DNAJC6: variants seen among roughly 807,000 people sequenced by gnomAD.
DNAJC6 encodes auxilin.
DNAJC6 carries 34 observed loss-of-function variants against 110.0 expected under a neutral mutation model. That is an observed-to-expected ratio of 0.31 (90% CI 0.24 to 0.41). The LOEUF (loss-of-function observed/expected upper bound fraction) is 0.41, where lower values mean the gene tolerates loss of function less well. Ranked by LOEUF, DNAJC6 falls within the 10% of genes least tolerant of loss-of-function variation. DNAJC6 has a pLI of 1.00. For missense variants in DNAJC6, 1,031 were observed against 1,207.8 expected (o/e 0.85, Z 2.17); for synonymous variants, 406 against 437.2 (o/e 0.93, Z 0.89).
At position 65,392,585 on chromosome 1, in the gene DNAJC6, G is replaced by A. The variant is rs779965514; in HGVS notation, c.1623G>A (p.Lys541=). 10 of 1,613,992 alleles carry A rather than the reference G, an allele frequency of 6.2e-6. No homozygotes were observed. The highest frequency in any genetic ancestry group is 1.3e-5 in the African/African-American group (1 of 74,926). The change falls in exon 12 of 19, where the codon AAG becomes AAA. Residue 541 remains lysine (K), a synonymous_variant. Coordinates refer to ENST00000371069, the MANE Select transcript of DNAJC6 (RefSeq NM_001256864.2). ...KPHGVKKPSK[K]QQEPAAPPPP... The stretch of plus-strand genomic sequence containing the variant: ...ATGGAGTCAAGAAGCCCAGCAAAAA[G>A]CAGCAGGAGCCAGCAGCCCCTCCAC...
At chr1:65,386,404 T>C (rs1345924160) in intron 7 of DNAJC6, among the ~76,000 whole-genome samples, 1 of 152,346 alleles carries the variant, frequency 6.6e-6, no homozygotes, top group Non-Finnish European at 1.5e-5. Context: ...ATTTGAGGAC[T>C]GGCATCCAAG....
intron 11 of DNAJC6, among the ~76,000 whole-genome samples, chr1:65,390,478 C>T (rs1305046762): frequency 6.6e-6 from 1 of 152,160 alleles, no homozygotes; most frequent in Non-Finnish European, 1.5e-5. Context: ...TTTCAGAATC[C>T]TCCTCAATAT....
rs147692948 is a variant in DNAJC6 at position 65,321,608 on chromosome 1, T to C, written c.193+11670T>C. 1.3e-3 allele frequency among the ~76,000 whole-genome samples: 199 copies of C among 152,290 alleles called. 3 individuals are homozygous for C. Among genetic ancestry groups the C allele is most frequent in the African/African-American group, 4.4e-3 (184 of 41,574 alleles). ...TATATCCCCTGCCCCTACACAGGCA[T>C]CGCCTCTCCCATTATCAACATCCCC... is the stretch of plus-strand genomic sequence containing the variant. On this transcript the variant is annotated intron_variant, in intron 1 of 18. Transcript: ENST00000371069.
At chr1:65,330,239 CA>C (rs1289557207) in intron 1 of DNAJC6, among the ~76,000 whole-genome samples, 1 of 152,128 alleles carries the variant, frequency 6.6e-6, no homozygotes, top group African/African-American at 2.4e-5. Context: ...CTCAATATTC[CA>C]AATTCGGGTT....
intron 1 of DNAJC6, among the ~76,000 whole-genome samples, chr1:65,319,490 G>A (rs1178996829): frequency 1.3e-5 from 2 of 152,184 alleles, no homozygotes; most frequent in African/African-American, 4.8e-5. Flanking sequence ...GTATCGGGTG[G>A]CCCCTTCTCA....
chr1:65,300,232 C>G (rs1263247555), intron 1 of DNAJC6, among the ~76,000 whole-genome samples: 1 of 151,970 alleles, frequency 6.6e-6, no homozygotes, highest in African/African-American at 2.4e-5. Flanking sequence ...GTTGCTAGGG[C>G]TCTCTGGAGC....
In DNAJC6 at chr1:65,343,280, T is replaced by C. The variant is rs116447536; in HGVS notation, c.194-21355T>C. Among the ~76,000 whole-genome samples, 478 of 152,254 alleles carry C rather than the reference T, an allele frequency of 3.1e-3. 3 individuals are homozygous for C. Among genetic ancestry groups the C allele is most frequent in the African/African-American group, 0.011 (442 of 41,558 alleles). On this transcript the variant is annotated intron_variant, in intron 1 of 18. Transcript: ENST00000371069. ...GATGAGGATTTATGCATATAATTTT[T>C]TTGTCCGAAGAGCAGATGGAACCAC...
intron 1 of DNAJC6, among the ~76,000 whole-genome samples, chr1:65,265,435 T>C (rs545748855): frequency 1.3e-5 from 2 of 152,184 alleles, no homozygotes; most frequent in African/African-American, 4.8e-5. Context: ...GTCGCTGACC[T>C]TCAGAACTGT....
intron 1 of DNAJC6, among the ~76,000 whole-genome samples, chr1:65,320,542 G>T (rs1349878716): frequency 6.6e-6 from 1 of 152,126 alleles, no homozygotes; most frequent in Non-Finnish European, 1.5e-5. Context: ...TTTTTCATAG[G>T]CACAGTGGAA....
At chr1:65,368,860 C>T (rs747269477) in intron 4 of DNAJC6, among the ~76,000 whole-genome samples, 15 of 149,058 alleles carry the variant, frequency 1.0e-4, no homozygotes, top group Non-Finnish European at 1.5e-4. Context: ...CTGCAACCTT[C>T]GCCTCCTGGG....
intron 1 of DNAJC6, among the ~76,000 whole-genome samples, chr1:65,348,025 G>A (rs753503222): frequency 6.6e-6 from 1 of 152,136 alleles, no homozygotes; most frequent in African/African-American, 2.4e-5. Flanking sequence ...TCGTATGTTT[G>A]GCTTATCTTC....
At chr1:65,407,757 A>G (rs1189267020) in intron 16 of DNAJC6, among the ~76,000 whole-genome samples, 1 of 152,212 alleles carries the variant, frequency 6.6e-6, no homozygotes, top group Non-Finnish European at 1.5e-5. Flanking sequence ...AGGGAACAAG[A>G]AACAAAATCC....
At chr1:65,397,325 T>G (rs1221528808) in intron 13 of DNAJC6, among the ~76,000 whole-genome samples, 1 of 151,946 alleles carries the variant, frequency 6.6e-6, no homozygotes, top group African/African-American at 2.4e-5. Context: ...CAATCTCTCA[T>G]GAAAATAAAA....
At chr1:65,366,835 CA>C (rs1414896041) in intron 4 of DNAJC6, among the ~76,000 whole-genome samples, 2 of 152,254 alleles carry the variant, frequency 1.3e-5, no homozygotes, top group African/African-American at 4.8e-5. Flanking sequence ...ATTGGTTCTG[CA>C]ACTTCATTTG....
At chr1:65,368,029 A>G (rs553435326) in intron 4 of DNAJC6, among the ~76,000 whole-genome samples, 1 of 152,358 alleles carries the variant, frequency 6.6e-6, no homozygotes, top group East Asian at 1.9e-4. Flanking sequence ...AAAAATAAAA[A>G]TAAAAAAGCA....
chr1:65,272,100 G>T (rs543298651), intron 1 of DNAJC6, among the ~76,000 whole-genome samples: 195 of 152,182 alleles, frequency 1.3e-3, no homozygotes, highest in African/African-American at 4.6e-3. Context: ...ATGTTGAATA[G>T]AAGCAGTGAT....
chr1:65,387,942 G>C (rs1470542280), intron 8 of DNAJC6, among the ~76,000 whole-genome samples: 1 of 152,198 alleles, frequency 6.6e-6, no homozygotes. Context: ...GGAGGATGAG[G>C]TGTTATAATG....
intron 4 of DNAJC6, among the ~76,000 whole-genome samples, chr1:65,376,187 T>C (rs1323180432): frequency 1.3e-5 from 2 of 152,170 alleles, no homozygotes. Flanking sequence ...TAATTGTTCA[T>C]AGTAGCCGTC....
At chr1:65,333,077 T>A (rs1323407311) in intron 1 of DNAJC6, among the ~76,000 whole-genome samples, 1 of 152,186 alleles carries the variant, frequency 6.6e-6, no homozygotes, top group East Asian at 1.9e-4. Context: ...TTGTTCCAGT[T>A]TGGGCATTTG....
Sources: allele counts gnomAD v4.1 joint callset (sites outside exome capture counted in the v4.1 genomes callset), GRCh38; gene constraint gnomAD v4.1.1; transcripts MANE v1.5; gene names NCBI Gene and HGNC (gene_info 2026-07-23, HGNC 2026-07-21).